The following MSRA variants were observed in gnomAD, a reference collection of about 807,000 sequenced individuals.
MSRA encodes the protein methionine sulfoxide reductase A.
A neutral mutation model predicts 31.3 loss-of-function variants in MSRA; 54 were observed. The ratio of observed to expected loss-of-function variants is 1.73; its 90% CI spans 1.39 to 2.17. The LOEUF is 2.17. Among genes scored for constraint, MSRA ranks in the 30% most tolerant of loss-of-function variants. The pLI is 0.00. For synonymous variants in MSRA, 169 were observed against 116.5 expected (o/e 1.45, Z -2.90); for missense variants, 507 against 300.9 (o/e 1.69, Z -5.07).
At chr8:10,178,040 C>G (rs1420641416) in intron 1 of MSRA, among the ~76,000 whole-genome samples, 1 of 152,142 alleles carries the variant, frequency 6.6e-6, no homozygotes, top group Non-Finnish European at 1.5e-5. Flanking sequence ...TTTTCCAGGA[C>G]AAATATTTTA....
At chr8:10,419,021 A>G (rs1808652416) in intron 5 of MSRA, among the ~76,000 whole-genome samples, 1 of 152,076 alleles carries the variant, frequency 6.6e-6, no homozygotes, top group African/African-American at 2.4e-5. Flanking sequence ...AGGTGAATAC[A>G]TACATACGGC....
rs369358826 is a variant in MSRA, at chr8:10,235,953, G to A, written c.212-9151G>A. ...TCAGTGTTAAAATGCTCTATGAGTA[G>A]GTAAGATTTACTGAAAGATGATTTA... On this transcript the variant is annotated intron_variant, in intron 2 of 5. Transcript: ENST00000317173. Among the ~76,000 whole-genome samples the A allele has an allele frequency of 1.4e-4, 21 of 152,182 alleles. No homozygotes were observed. In the East Asian group the frequency reaches 3.7e-3, roughly 27 times the overall value.
chr8:10,109,416 ACTG>A (rs1199907015), intron 1 of MSRA, among the ~76,000 whole-genome samples: 1 of 151,320 alleles, frequency 6.6e-6, no homozygotes, highest in Non-Finnish European at 1.5e-5. Flanking sequence ...GTCTTGGCTC[ACTG>A]CAACCTCCAT....
chr8:10,231,472 G>A (rs1451125378), intron 2 of MSRA, among the ~76,000 whole-genome samples: 2 of 152,198 alleles, frequency 1.3e-5, no homozygotes, highest in Non-Finnish European at 2.9e-5. Flanking sequence ...CCCAGGTGGG[G>A]ATCCCCAGCA....
At chr8:10,341,489 C>T (rs1054597241) in intron 5 of MSRA, among the ~76,000 whole-genome samples, 1 of 152,176 alleles carries the variant, frequency 6.6e-6, no homozygotes, top group Non-Finnish European at 1.5e-5. Context: ...CCACTAGGCC[C>T]CACCTCCAGG....
At chr8:10,365,996 C>G (rs1055825405) in intron 5 of MSRA, among the ~76,000 whole-genome samples, 2 of 152,206 alleles carry the variant, frequency 1.3e-5, no homozygotes, top group Non-Finnish European at 2.9e-5. Context: ...GCTGAGCAGC[C>G]TTGCCTGCCT....
intron 1 of MSRA, among the ~76,000 whole-genome samples, chr8:10,185,174 G>A (rs952618376): frequency 7.9e-5 from 12 of 152,054 alleles, no homozygotes; most frequent in Non-Finnish European, 1.2e-4. Context: ...TAGCGAATGC[G>A]AATCCCCCTG....
chr8:10,193,908 C>T (rs922711782), intron 1 of MSRA, among the ~76,000 whole-genome samples: 1 of 152,036 alleles, frequency 6.6e-6, no homozygotes, highest in South Asian at 2.1e-4. Flanking sequence ...TATTGAAAAT[C>T]AATTGAGAGC....
chr8:10,269,441 C>G (rs1270027032), intron 3 of MSRA, among the ~76,000 whole-genome samples: 2 of 152,216 alleles, frequency 1.3e-5, no homozygotes, highest in African/African-American at 4.8e-5. Context: ...TACTCGATCA[C>G]TTCTGTAGGG....
At chr8:10,366,995 C>A (rs1020555327) in intron 5 of MSRA, among the ~76,000 whole-genome samples, 1 of 152,156 alleles carries the variant, frequency 6.6e-6, no homozygotes, top group South Asian at 2.1e-4. Context: ...TCTGTGGTTT[C>A]AGTTACCTGT....
intron 1 of MSRA, among the ~76,000 whole-genome samples, chr8:10,057,644 C>T (rs140298924): frequency 2.6e-5 from 4 of 152,156 alleles, no homozygotes; most frequent in Non-Finnish European, 4.4e-5. Flanking sequence ...GGTGGACTTT[C>T]CCCTTGCTGT....
chr8:10,384,033 C>A (rs1298813649), intron 5 of MSRA, among the ~76,000 whole-genome samples: 1 of 152,148 alleles, frequency 6.6e-6, no homozygotes, highest in African/African-American at 2.4e-5. Flanking sequence ...ATCCGTGACT[C>A]TGGAGCCCCC....
rs190224552 is a variant in MSRA, at chr8:10,152,713, C to T, written c.143-55120C>T. Among the ~76,000 whole-genome samples the T allele has an allele frequency of 2.8e-4, 42 of 152,238 alleles. No individual in the cohort carries two copies. The South Asian group carries it at 8.1e-3, about 29-fold the overall frequency. On this transcript the variant is annotated intron_variant, in intron 1 of 5. Transcript: ENST00000317173. ...GAAGGAGGTTGTTAAAAATGAGTAA[C>T]GCACACTTCATGTTCACAGCAGCAG...
intron 5 of MSRA, among the ~76,000 whole-genome samples, chr8:10,324,806 G>C (rs780943147): frequency 3.9e-5 from 6 of 152,194 alleles, no homozygotes; most frequent in Non-Finnish European, 8.8e-5. Context: ...CTGGTAACTG[G>C]TTGTTTGAGA....
chr8:10,304,602 G>C (rs550695462), intron 4 of MSRA, among the ~76,000 whole-genome samples: 5 of 152,314 alleles, frequency 3.3e-5, no homozygotes, highest in African/African-American at 1.2e-4. Flanking sequence ...GCTCCTCGAA[G>C]GATGGACCAG....
At chr8:10,325,386 G>A (rs1353558272) in intron 5 of MSRA, among the ~76,000 whole-genome samples, 2 of 152,050 alleles carry the variant, frequency 1.3e-5, no homozygotes, top group South Asian at 4.2e-4. Context: ...AATACTGTTA[G>A]AACAGCAACA....
chr8:10,078,920 C>A (rs1036817081), intron 1 of MSRA, among the ~76,000 whole-genome samples: 1 of 152,226 alleles, frequency 6.6e-6, no homozygotes, highest in Non-Finnish European at 1.5e-5. Context: ...ATGGGGATCA[C>A]ATTTGGAGCC....
intron 1 of MSRA, among the ~76,000 whole-genome samples, chr8:10,193,353 G>A (rs1213102306): frequency 6.6e-6 from 1 of 152,218 alleles, no homozygotes; most frequent in Non-Finnish European, 1.5e-5. Context: ...AGTGGGTTCA[G>A]TGTGAGGCCG....
At chr8:10,230,283 C>G (rs943646293) in intron 2 of MSRA, among the ~76,000 whole-genome samples, 2 of 152,134 alleles carry the variant, frequency 1.3e-5, no homozygotes, top group Admixed American at 6.6e-5. Flanking sequence ...AGCTTTGTAT[C>G]TGATTGACAT....
Sources: allele counts gnomAD v4.1 joint callset (sites outside exome capture counted in the v4.1 genomes callset), GRCh38; gene constraint gnomAD v4.1.1; transcripts MANE v1.5; gene names NCBI Gene and HGNC (gene_info 2026-07-23, HGNC 2026-07-21).